The following WASF3 variants were observed in gnomAD, a reference collection of about 807,000 sequenced individuals.
WASF3 encodes the protein actin-binding protein WASF3.
WASF3 carries 11 observed loss-of-function variants against 46.6 expected under a neutral mutation model. That is an observed-to-expected ratio of 0.24 (90% confidence interval 0.15 to 0.39). The LOEUF (loss-of-function observed/expected upper bound fraction) is 0.39, where lower values mean the gene tolerates loss of function less well. Among genes scored for constraint, WASF3 ranks in the 10% least tolerant of loss-of-function variants. The probability of loss-of-function intolerance (pLI) is 1.00; values close to 1 mark genes in which losing one functional copy is unlikely to be tolerated. For synonymous variants in WASF3, 242 were observed against 259.7 expected (o/e 0.93, Z 0.65); for missense variants, 576 against 669.8 (o/e 0.86, Z 1.55).
chr13:26,659,659 G>A (rs1209074668), intron 3 of WASF3, among the ~76,000 whole-genome samples: 1 of 152,150 alleles, frequency 6.6e-6, no homozygotes, highest in African/African-American at 2.4e-5. Context: ...GGACAGGGTA[G>A]GATCAGGGCA....
intron 2 of WASF3, among the ~76,000 whole-genome samples, chr13:26,640,159 C>T (rs542859435): frequency 6.6e-6 from 1 of 152,156 alleles, no homozygotes; most frequent in East Asian, 1.9e-4. Context: ...CCAAGCTGTC[C>T]ACCCCCATGA....
Position 26,642,336 on chromosome 13 carries a change from T to C in WASF3, c.66T>C (p.Ile22=). Residue 22 remains isoleucine (I), a synonymous_variant, in exon 3 of 10, where the codon ATT becomes ATC. Coordinates refer to ENST00000335327, the MANE Select transcript of WASF3 (RefSeq NM_006646.6). Reference sequence around the variant, plus strand: ...GCCGGGGAGCTCTGCCTGAAGGGATTACCAGCGAACTTGAATGTGTAACCA... The same window carrying C: ...GCCGGGGAGCTCTGCCTGAAGGGATCACCAGCGAACTTGAATGTGTAACCA... ...HLCRGALPEG[I]TSELECVTNS... 1 of 1,612,288 alleles carries C rather than the reference T, an allele frequency of 6.2e-7. No individual in the cohort carries two copies. Among genetic ancestry groups the C allele is most frequent in the Non-Finnish European group, 8.5e-7 (1 of 1,179,356 alleles).
chr13:26,609,491 T>G (rs2137218224), intron 1 of WASF3: 1 of 151,910 alleles, frequency 6.6e-6, no homozygotes, highest in East Asian at 1.9e-4. Flanking sequence ...TTTTTTTTTT[T>G]TAACTAGGCA....
intron 1 of WASF3, among the ~76,000 whole-genome samples, 165 bp downstream of exon 1, chr13:26,557,984 G>C (rs1879152115): frequency 6.6e-6 from 1 of 150,670 alleles, no homozygotes; most frequent in Non-Finnish European, 1.5e-5. Context: ...GGGCTGCGGC[G>C]CCGCCTCGCG....
intron 1 of WASF3, among the ~76,000 whole-genome samples, chr13:26,598,879 T>C (rs1436632652): frequency 2.0e-5 from 3 of 152,202 alleles, no homozygotes; most frequent in Admixed American, 6.5e-5. Context: ...TTTATTATTA[T>C]TTATTTTTTG....
intron 2 of WASF3, among the ~76,000 whole-genome samples, chr13:26,624,706 A>G (rs1881412962): frequency 6.6e-6 from 1 of 152,156 alleles, no homozygotes; most frequent in Admixed American, 6.5e-5. Context: ...TACCCAAGGT[A>G]AAGGGGAAAG....
intron 1 of WASF3, among the ~76,000 whole-genome samples, chr13:26,576,016 T>C (rs1316749950): frequency 6.6e-6 from 1 of 152,156 alleles, no homozygotes. Context: ...ATTTTAAATA[T>C]TCTGTTTTAG....
chr13:26,684,712 G>C (rs767686977), intron 9 of WASF3, among the ~76,000 whole-genome samples: 29 of 152,176 alleles, frequency 1.9e-4, no homozygotes, highest in Non-Finnish European at 3.7e-4. Context: ...AAATGGTCCA[G>C]AGAAAAGTGT....
chr13:26,596,615 A>G (rs1350811478), intron 1 of WASF3, among the ~76,000 whole-genome samples: 4 of 151,372 alleles, frequency 2.6e-5, no homozygotes, highest in South Asian at 4.2e-4. Flanking sequence ...CCTAGGTGTG[A>G]TTTTTCTTTG....
chr13:26,570,756 A>G (rs75520116), intron 1 of WASF3, among the ~76,000 whole-genome samples: 2,829 of 152,346 alleles, frequency 0.019, 88 homozygotes, highest in African/African-American at 0.064. Flanking sequence ...TAATGTGGCT[A>G]TGAATAACCT....
At chr13:26,601,239 T>C (rs902698601) in intron 1 of WASF3, among the ~76,000 whole-genome samples, 1 of 152,214 alleles carries the variant, frequency 6.6e-6, no homozygotes, top group Non-Finnish European at 1.5e-5. Flanking sequence ...TCCATTTATC[T>C]CAGCAGTTTT....
chr13:26,612,926 C>T (rs897947348), intron 1 of WASF3, 35 bp from the exon 2 acceptor site: 1 of 151,942 alleles, frequency 6.6e-6, no homozygotes, highest in Admixed American at 6.6e-5. Flanking sequence ...TGCATTTTGC[C>T]TACTGGTAAT....
chr13:26,618,157 C>A (rs1331292934), intron 2 of WASF3, among the ~76,000 whole-genome samples: 1 of 152,162 alleles, frequency 6.6e-6, no homozygotes, highest in Non-Finnish European at 1.5e-5. Context: ...ATTTGGAAGG[C>A]CATAGTCACT....
Position 26,681,315 on chromosome 13 carries a change from C to T in WASF3, c.978C>T (p.Asp326=), listed in dbSNP as rs1391925463. 6 of 1,588,828 alleles carry T rather than the reference C, an allele frequency of 3.8e-6. No homozygotes were observed. Among genetic ancestry groups the T allele is most frequent in the Non-Finnish European group, 5.1e-6 (6 of 1,167,880 alleles). The change falls in exon 8 of 10, where the codon GAC becomes GAT. Residue 326 remains aspartate, a synonymous_variant. Coordinates refer to ENST00000335327, the MANE Select transcript of WASF3 (RefSeq NM_006646.6). The part of the protein sequence containing the change: ...SQASAPMAPA[D]YGMLPAQIIE... ...CCTCTGCACCGATGGCTCCAGCAGA[C>T]TACGGGTAACTCAGCATGCCTTGTA...
intron 1 of WASF3, among the ~76,000 whole-genome samples, chr13:26,588,810 A>AT (rs796956431): frequency 2.6e-5 from 4 of 152,038 alleles, no homozygotes; most frequent in African/African-American, 9.6e-5. Context: ...TAATTTATTT[A>AT]TTTTTTTAAG....
At chr13:26,625,085 T>C (rs923922709) in intron 2 of WASF3, among the ~76,000 whole-genome samples, 5 of 152,188 alleles carry the variant, frequency 3.3e-5, no homozygotes, top group African/African-American at 9.6e-5. Context: ...AATAAATATG[T>C]TATATTTTTT....
Position 26,628,745 on chromosome 13 carries a change from C to T in WASF3, c.-10-13516C>T, listed in dbSNP as rs772015709. Among the ~76,000 whole-genome samples, 198 of 152,296 alleles carry T rather than the reference C, an allele frequency of 1.3e-3. 1 individual carries two copies. The highest frequency in any genetic ancestry group is 2.2e-3 in the Non-Finnish European group (152 of 68,022). On this transcript the variant is annotated intron_variant, in intron 2 of 9. Transcript: ENST00000335327. Reference sequence around the variant, plus strand: ...TTGCCTTGTTCCTGCTAAGTGTGTGCCCCATTTCAGACCCCCAGCCCTGCA... The same window carrying T: ...TTGCCTTGTTCCTGCTAAGTGTGTGTCCCATTTCAGACCCCCAGCCCTGCA...
At chr13:26,567,836 TA>T (rs1204775186) in intron 1 of WASF3, among the ~76,000 whole-genome samples, 2 of 152,036 alleles carry the variant, frequency 1.3e-5, no homozygotes, top group African/African-American at 4.8e-5. Context: ...TATATATATA[TA>T]AAGAAAGCGA....
chr13:26,642,939 G>T (rs980274351), intron 3 of WASF3, among the ~76,000 whole-genome samples: 1 of 152,124 alleles, frequency 6.6e-6, no homozygotes, highest in African/African-American at 2.4e-5. Context: ...ACTGATTTCT[G>T]CATTGAGGTG....
Sources: allele counts gnomAD v4.1 joint callset (sites outside exome capture counted in the v4.1 genomes callset), GRCh38; gene constraint gnomAD v4.1.1; transcripts MANE v1.5; gene names NCBI Gene and HGNC (gene_info 2026-07-23, HGNC 2026-07-21).